CACNG3: variants seen among roughly 807,000 people sequenced by gnomAD.
CACNG3 encodes voltage-dependent calcium channel gamma-3 subunit.
In CACNG3, 3 loss-of-function variants were observed where a neutral mutation model predicts 28.5. The ratio of observed to expected loss-of-function variants is 0.11; its 90% CI spans 0.05 to 0.27. The LOEUF (loss-of-function observed/expected upper bound fraction) is 0.27. Ranked by LOEUF, CACNG3 falls within the 10% of genes least tolerant of loss-of-function variation. The pLI is 1.00. For missense variants in CACNG3, 236 were observed against 414.4 expected (o/e 0.57, Z 3.74); for synonymous variants, 174 against 162.2 (o/e 1.07, Z -0.55).
At chr16:24,344,267 A>C (rs1440297512) in intron 1 of CACNG3, among the ~76,000 whole-genome samples, 1 of 152,038 alleles carries the variant, frequency 6.6e-6, no homozygotes, top group African/African-American at 2.4e-5. Flanking sequence ...CCCTGTCTCT[A>C]CTAAAAATAC....
intron 1 of CACNG3, among the ~76,000 whole-genome samples, chr16:24,325,989 T>C (rs1899536365): frequency 6.6e-6 from 1 of 152,142 alleles, no homozygotes. Context: ...GGGACTCAAA[T>C]GATATTAGCA....
intron 1 of CACNG3, among the ~76,000 whole-genome samples, chr16:24,304,059 C>T (rs1176536646): frequency 6.6e-6 from 1 of 152,108 alleles, no homozygotes; most frequent in Non-Finnish European, 1.5e-5. Flanking sequence ...AAAATAAAAA[C>T]AATTTCAGTT....
intron 1 of CACNG3, among the ~76,000 whole-genome samples, chr16:24,327,438 GTATA>G (rs1217768689): frequency 7.8e-6 from 1 of 127,870 alleles, no homozygotes; most frequent in Non-Finnish European, 1.6e-5. Flanking sequence ...GTGTGTGTGT[GTATA>G]TATATATATA....
intron 1 of CACNG3, among the ~76,000 whole-genome samples, chr16:24,317,515 G>T (rs1899367595): frequency 6.8e-6 from 1 of 147,272 alleles, no homozygotes; most frequent in Non-Finnish European, 1.5e-5. Context: ...CCTCCAGCTT[G>T]GGTGACAGAG....
At chr16:24,326,886 A>T (rs953559637) in intron 1 of CACNG3, among the ~76,000 whole-genome samples, 2 of 152,054 alleles carry the variant, frequency 1.3e-5, no homozygotes, top group African/African-American at 4.8e-5. Context: ...GACCAGAGAA[A>T]CACGCCATGA....
At chr16:24,315,813 A>G (rs2238513) in intron 1 of CACNG3, among the ~76,000 whole-genome samples, 4,004 of 152,112 alleles carry the variant, frequency 0.026, 155 homozygotes, top group African/African-American at 0.082. Context: ...CATCCACTAC[A>G]ATGCCCAGCT....
intron 1 of CACNG3, among the ~76,000 whole-genome samples, chr16:24,331,328 C>G (rs1899628708): frequency 6.6e-6 from 1 of 152,170 alleles, no homozygotes; most frequent in Admixed American, 6.5e-5. Context: ...ATGAAGCAAG[C>G]CTATTCATCA....
chr16:24,351,585 G>T (rs984151101), intron 2 of CACNG3, among the ~76,000 whole-genome samples: 6 of 109,906 alleles, frequency 5.5e-5, no homozygotes, highest in South Asian at 6.3e-4. Context: ...GGGAAGGGAA[G>T]AGGAAGGGGA....
chr16:24,329,849 A>G (rs1320199087), intron 1 of CACNG3, among the ~76,000 whole-genome samples: 1 of 152,196 alleles, frequency 6.6e-6, no homozygotes, highest in Non-Finnish European at 1.5e-5. Flanking sequence ...AGCCTGGCCA[A>G]CATGGTGAAA....
chr16:24,282,974 T>C (rs1305876220), intron 1 of CACNG3, among the ~76,000 whole-genome samples: 4 of 152,096 alleles, frequency 2.6e-5, no homozygotes, highest in Non-Finnish European at 4.4e-5. Context: ...GTTCAAGCAA[T>C]TCTCCTGCCT....
chr16:24,318,921 A>G (rs1899421875), intron 1 of CACNG3, among the ~76,000 whole-genome samples: 1 of 152,184 alleles, frequency 6.6e-6, no homozygotes, highest in South Asian at 2.1e-4. Flanking sequence ...TGGCATCCGG[A>G]CAAGGCATTA....
intron 3 of CACNG3, among the ~76,000 whole-genome samples, 162 bp downstream of exon 3, chr16:24,355,135 G>A (rs934719600): frequency 2.6e-5 from 4 of 151,792 alleles, no homozygotes; most frequent in African/African-American, 9.7e-5. Flanking sequence ...TAGAACCAAA[G>A]ATGCCAAAAC....
rs1351493651 is a variant in CACNG3 at position 24,317,640 on chromosome 16, A to C, written c.212-29094A>C. Among the ~76,000 whole-genome samples, 152 of 71,876 alleles carry C rather than the reference A, an allele frequency of 2.1e-3. 3 individuals carry two copies. The highest frequency in any genetic ancestry group is 6.4e-3 in the Middle Eastern group (1 of 156). The allele number at this position is 71,876 out of a possible 152,430, so 47.2% of individuals were successfully genotyped here. A position where few individuals can be genotyped will look rare whatever the true frequency, so the allele number is the denominator to read the frequency against. ...AAAGAAAGAAAGACAGACAGAAAGA[A>C]AGAAAAGAAAAGAAAGAAAGAAAGA... is the stretch of plus-strand genomic sequence containing the variant. On this transcript the variant is annotated intron_variant, in intron 1 of 3. Transcript: ENST00000005284.
At chr16:24,316,891 C>T (rs1052757656) in intron 1 of CACNG3, among the ~76,000 whole-genome samples, 1 of 152,250 alleles carries the variant, frequency 6.6e-6, no homozygotes, top group Non-Finnish European at 1.5e-5. Flanking sequence ...AGCCTTGCTG[C>T]TTGGCTGGGT....
chr16:24,310,250 CA>C (rs1259087187), intron 1 of CACNG3, among the ~76,000 whole-genome samples: 1 of 152,184 alleles, frequency 6.6e-6, no homozygotes, highest in Non-Finnish European at 1.5e-5. Flanking sequence ...AGTGAGTCAG[CA>C]ATGAAAATAG....
intron 1 of CACNG3, among the ~76,000 whole-genome samples, chr16:24,277,549 C>T (rs753263126): frequency 3.2e-4 from 49 of 152,112 alleles, no homozygotes; most frequent in Middle Eastern, 3.4e-3. Flanking sequence ...CCGAGGTGCG[C>T]GGATCACTTG....
chr16:24,256,799 A>C lies in CACNG3; in HGVS notation c.45A>C (p.Val15=). 1 of 1,614,038 alleles carries C rather than the reference A, an allele frequency of 6.2e-7. No homozygotes were observed. Residue 15 remains valine (V), a synonymous_variant, in exon 1 of 4, where the codon GTA becomes GTC. Transcript: ENST00000005284. The surrounding 1 kb of genome is among the most constrained non-coding windows in gnomAD (Gnocchi z 4.6). ...GTATCCAGATGTTGATCACCACTGT[A>C]GGAGCCTTTGCCGCTTTTAGTTTAA... is the stretch of plus-strand genomic sequence containing the variant. ...DRGIQMLITT[V]GAFAAFSLMT... is the part of the protein sequence containing the mutation.
chr16:24,340,138 G>A (rs369214378), intron 1 of CACNG3, among the ~76,000 whole-genome samples: 2 of 152,250 alleles, frequency 1.3e-5, no homozygotes, highest in South Asian at 4.1e-4. Flanking sequence ...GGTTGTGGTG[G>A]TGCACACCTC....
At chr16:24,315,660 CTCTT>C (rs1284349597) in intron 1 of CACNG3, among the ~76,000 whole-genome samples, 2 of 148,574 alleles carry the variant, frequency 1.3e-5, no homozygotes, top group African/African-American at 2.5e-5. Flanking sequence ...CTCTCATTCT[CTCTT>C]TCTTTCTTCT....
Sources: gnomAD v4.1 joint callset for allele counts (sites outside exome capture counted in the v4.1 genomes callset) on GRCh38, gnomAD v4.1.1 for gene constraint, Gnocchi (gnomAD v3.1) non-coding constraint, MANE v1.5 for transcripts, NCBI Gene and HGNC (gene_info 2026-07-23, HGNC 2026-07-21) for gene names.